The following KLHL1 variants were observed in gnomAD, a reference collection of about 807,000 sequenced individuals.
The protein encoded by KLHL1 is kelch like family member 1, also known as kelch-like protein 1.
KLHL1 carries 47 observed loss-of-function variants against 77.7 expected under a neutral mutation model. That is an observed-to-expected ratio of 0.60 (90% CI 0.48 to 0.77). The LOEUF is 0.77. Ranked by LOEUF, KLHL1 falls within the 30% of genes least tolerant of loss-of-function variation. The pLI, the probability that KLHL1 is intolerant of heterozygous loss-of-function variation, is 0.00. For synonymous variants in KLHL1, 360 were observed against 325.2 expected, an observed-to-expected ratio of 1.11 and a Z score of -1.15; for missense variants, 925 against 910.8, an observed-to-expected ratio of 1.02 and a Z score of -0.20.
chr13:69,808,349 T>A (rs1877713749), intron 6 of KLHL1, among the ~76,000 whole-genome samples: 1 of 152,100 alleles, frequency 6.6e-6, no homozygotes, highest in Non-Finnish European at 1.5e-5. Context: ...AAGGACCACC[T>A]AGTAGACTGC....
chr13:70,049,881 A>C (rs895345903), intron 1 of KLHL1, among the ~76,000 whole-genome samples: 2 of 152,104 alleles, frequency 1.3e-5, no homozygotes, highest in Non-Finnish European at 2.9e-5. Context: ...TCTGACAGAA[A>C]ATTAATATTG....
chr13:69,833,886 A>T (rs1878873962), intron 6 of KLHL1, among the ~76,000 whole-genome samples: 1 of 151,366 alleles, frequency 6.6e-6, no homozygotes, highest in South Asian at 2.1e-4. Flanking sequence ...CACATATGCC[A>T]TGGAATACTA....
chr13:69,885,086 G>A (rs926259016), intron 4 of KLHL1, among the ~76,000 whole-genome samples: 1 of 141,408 alleles, frequency 7.1e-6, no homozygotes, highest in Non-Finnish European at 1.5e-5. Flanking sequence ...GACTACAGGC[G>A]CCCGCCACCA....
Position 70,108,406 on chromosome 13 carries a change from G to A in KLHL1, c.-707C>T, listed in dbSNP as rs1888130839. 6.2e-6 allele frequency: 1 copy of A among 160,296 alleles called. No individual in the cohort carries two copies. Among genetic ancestry groups the A allele is most frequent in the Non-Finnish European group, 1.4e-5 (1 of 74,026 alleles). The allele number at this position is 160,296 out of a possible 1,614,324, so 9.9% of individuals were successfully genotyped here. A position where few individuals can be genotyped will look rare whatever the true frequency, so the allele number is the denominator to read the frequency against. On this transcript the variant is annotated 5_prime_UTR_variant, in exon 1 of 11. Transcript: ENST00000377844. ...TAGATATTCTAGCGCATATAGGGAG[G>A]CAAAAGAAAAAGCCCGCCTGTGAAG...
intron 1 of KLHL1, among the ~76,000 whole-genome samples, chr13:70,086,572 CAAAAA>C (rs1211467536): frequency 0.049 from 1,800 of 36,750 alleles, 111 homozygotes; most frequent in African/African-American, 0.16. Flanking sequence ...AGCTCTGTCT[CAAAAA>C]AAAAAAAAAA....
At chr13:69,944,748 A>G (rs542218881) in intron 3 of KLHL1, among the ~76,000 whole-genome samples, 1 of 152,280 alleles carries the variant, frequency 6.6e-6, no homozygotes, top group South Asian at 2.1e-4. Flanking sequence ...ACGGACCTAT[A>G]TAATCCAAAC....
At chr13:69,912,557 AT>A (rs946702349) in intron 4 of KLHL1, among the ~76,000 whole-genome samples, 4 of 151,792 alleles carry the variant, frequency 2.6e-5, no homozygotes, top group East Asian at 1.9e-4. Flanking sequence ...TTCTTTTTAA[AT>A]TTTTTTTTAT....
chr13:69,908,904 T>C (rs531190409), intron 4 of KLHL1, among the ~76,000 whole-genome samples: 1 of 150,252 alleles, frequency 6.7e-6, no homozygotes, highest in African/African-American at 2.4e-5. Flanking sequence ...TACATTATTT[T>C]CCATATATAT....
At chr13:69,869,196 C>G (rs948671306) in intron 5 of KLHL1, among the ~76,000 whole-genome samples, 1 of 151,880 alleles carries the variant, frequency 6.6e-6, no homozygotes, top group Non-Finnish European at 1.5e-5. Flanking sequence ...GTGACAGAAG[C>G]CTAAAATAAT....
At chr13:69,732,160 T>C (rs1234873111) in intron 8 of KLHL1, among the ~76,000 whole-genome samples, 1 of 152,108 alleles carries the variant, frequency 6.6e-6, no homozygotes, top group African/African-American at 2.4e-5. Context: ...AAATTGGCAT[T>C]GATTGAATTC....
At chr13:69,764,911 CT>C (rs1428918974) in intron 7 of KLHL1, among the ~76,000 whole-genome samples, 34 of 90,102 alleles carry the variant, frequency 3.8e-4, no homozygotes, top group African/African-American at 1.3e-3. Context: ...TTTTCTCATG[CT>C]TTCATGTATA....
chr13:69,947,028 TTGTGTGTGTGTGTG>T (rs59606834), intron 3 of KLHL1, among the ~76,000 whole-genome samples: 10,662 of 145,882 alleles, frequency 0.073, 607 homozygotes, highest in African/African-American at 0.16. Flanking sequence ...TGTGTGTGTG[TTGTGTGTGTGTGTG>T]TGTGTGTGTG....
intron 4 of KLHL1, among the ~76,000 whole-genome samples, chr13:69,895,578 CTGGAGGT>C (rs2138216830): frequency 6.6e-6 from 1 of 152,266 alleles, no homozygotes; most frequent in South Asian, 2.1e-4. Flanking sequence ...TACTGCAGTT[CTGGAGGT>C]CAGAAGTGCA....
chr13:69,787,163 A>C (rs144974501), intron 7 of KLHL1, among the ~76,000 whole-genome samples: 16,164 of 152,172 alleles, frequency 0.11, 963 homozygotes, highest in African/African-American at 0.15. Context: ...AAACTACTTT[A>C]AAGTTCATAT....
rs117745350 is a variant in KLHL1, at chr13:69,732,769, G to A, written c.1802+7625C>T. On this transcript the variant is annotated intron_variant, in intron 8 of 10. Transcript: ENST00000377844. The stretch of plus-strand genomic sequence containing the variant: ...CTAGTTTGCGGTTTTTCTAAGACAC[G>A]CCATCGGCTTCATTGAGACTACTCT... 4.0e-3 allele frequency among the ~76,000 whole-genome samples: 612 copies of A among 151,626 alleles called. 3 individuals are homozygous for A. Among genetic ancestry groups the A allele is most frequent in the South Asian group, 0.011 (53 of 4,798 alleles).
At chr13:69,916,819 AAATAT>A (rs1342854566) in intron 4 of KLHL1, among the ~76,000 whole-genome samples, 22 of 152,114 alleles carry the variant, frequency 1.4e-4, no homozygotes, top group Admixed American at 1.4e-3. Context: ...AAACATATAT[AAATAT>A]AATTGGTAAA....
At chr13:69,848,312 T>A (rs1476349944) in intron 5 of KLHL1, among the ~76,000 whole-genome samples, 1 of 151,558 alleles carries the variant, frequency 6.6e-6, no homozygotes, top group Non-Finnish European at 1.5e-5. Context: ...TTTGAGTAGA[T>A]GTGATTGCCA....
At chr13:69,998,408 G>A (rs1395110057) in intron 1 of KLHL1, among the ~76,000 whole-genome samples, 1 of 152,030 alleles carries the variant, frequency 6.6e-6, no homozygotes, top group Admixed American at 6.6e-5. Flanking sequence ...CATTGTCTGA[G>A]AGTCATCTCC....
At chr13:69,824,295 T>C (rs973000868) in intron 6 of KLHL1, among the ~76,000 whole-genome samples, 3 of 152,074 alleles carry the variant, frequency 2.0e-5, no homozygotes, top group Non-Finnish European at 4.4e-5. Context: ...ATAGATTTAT[T>C]AATAAATAGC....
Sources: allele counts gnomAD v4.1 joint callset (sites outside exome capture counted in the v4.1 genomes callset), GRCh38; gene constraint gnomAD v4.1.1; transcripts MANE v1.5; gene names NCBI Gene and HGNC (gene_info 2026-07-23, HGNC 2026-07-21).